PARD3B: variants seen among roughly 807,000 people sequenced by gnomAD.
PARD3B encodes par-3 family cell polarity regulator beta, also known as partitioning defective 3 homolog B.
In PARD3B, 103 loss-of-function variants were observed where a neutral mutation model predicts 130.2. That is an observed-to-expected ratio of 0.79 (90% CI 0.67 to 0.93). The LOEUF (loss-of-function observed/expected upper bound fraction) is 0.93. PARD3B is among the 40% of genes least tolerant of loss of function. PARD3B has a pLI of 0.00. For missense variants in PARD3B, 1,609 were observed against 1,499.2 expected, an observed-to-expected ratio of 1.07 and a Z score of -1.21; for synonymous variants, 583 against 553.2, an observed-to-expected ratio of 1.05 and a Z score of -0.76.
chr2:205,487,782 G>C (rs2049502511), intron 20 of PARD3B, among the ~76,000 whole-genome samples: 1 of 152,168 alleles, frequency 6.6e-6, no homozygotes, highest in Admixed American at 6.6e-5. Flanking sequence ...ATAAATGTCA[G>C]ATATGTATTC....
At chr2:205,210,830 A>G (rs1162611142) in intron 15 of PARD3B, among the ~76,000 whole-genome samples, 1 of 151,956 alleles carries the variant, frequency 6.6e-6, no homozygotes, top group Non-Finnish European at 1.5e-5. Flanking sequence ...TATGTTTTCT[A>G]TTGTGAATGA....
intron 3 of PARD3B, among the ~76,000 whole-genome samples, chr2:204,996,809 A>G (rs1694235771): frequency 6.8e-6 from 1 of 147,330 alleles, no homozygotes; most frequent in South Asian, 2.3e-4. Flanking sequence ...GCCGGTCTGA[A>G]AAGCGCAATA....
chr2:205,539,892 A>T (rs973926768), intron 21 of PARD3B, among the ~76,000 whole-genome samples: 2 of 152,188 alleles, frequency 1.3e-5, no homozygotes, highest in African/African-American at 4.8e-5. Context: ...TTAGCCAAAG[A>T]AGTATGAGGC....
chr2:205,367,803 A>G (rs2044664566), intron 18 of PARD3B, among the ~76,000 whole-genome samples: 1 of 152,064 alleles, frequency 6.6e-6, no homozygotes, highest in Non-Finnish European at 1.5e-5. Context: ...TTTTTGTGGG[A>G]TGCCTTTTCT....
rs1176486107 is a variant in PARD3B, at chr2:204,835,310, T to G, written c.223-129842T>G. 2.0e-5 allele frequency among the ~76,000 whole-genome samples: 3 copies of G among 152,202 alleles called. 1 individual carries two copies. The highest frequency in any genetic ancestry group is 4.4e-5 in the Non-Finnish European group (3 of 68,028). On this transcript the variant is annotated intron_variant, in intron 2 of 22. Coordinates refer to ENST00000406610, the MANE Select transcript of PARD3B (RefSeq NM_001302769.2). ...CAATGCCACATACTTTGGGAATTTA[T>G]AGATGTGGGGAAGAAGACTCCTTAC... is the stretch of plus-strand genomic sequence containing the variant.
At position 204,736,024 on chromosome 2, in the gene PARD3B, G is replaced by A. The variant is rs553749133; in HGVS notation, c.222+49742G>A. Among the ~76,000 whole-genome samples, 3 of 152,122 alleles carry A rather than the reference G, an allele frequency of 2.0e-5. No homozygotes were observed. In the South Asian group the frequency reaches 6.2e-4, roughly 32 times the overall value. On this transcript the variant is annotated intron_variant, in intron 2 of 22. Transcript: ENST00000406610. ...TAGCTCTGAAGAGTAGTTTACCCCC[G>A]GAAACTCTTTGAGACTTTTGATTCT...
At chr2:205,561,010 T>C (rs558947886) in intron 22 of PARD3B, among the ~76,000 whole-genome samples, 2 of 152,362 alleles carry the variant, frequency 1.3e-5, no homozygotes, top group African/African-American at 4.8e-5. Flanking sequence ...TCTTCTCGTC[T>C]ACTTATGCCC....
At chr2:204,591,396 A>C (rs1477574903) in intron 1 of PARD3B, among the ~76,000 whole-genome samples, 1 of 152,222 alleles carries the variant, frequency 6.6e-6, no homozygotes, top group Non-Finnish European at 1.5e-5. Flanking sequence ...TTGAGAACAG[A>C]TAATACGAAA....
At position 205,122,006 on chromosome 2, in the gene PARD3B, A is replaced by G. The variant is rs1441219124; in HGVS notation, c.1165+57A>G. Reference sequence around the variant, plus strand: ...ATTATTGTAACATGTAAAATTGGTTAAGAGAAATGCATTAAGGCTAATTTA... The same window carrying G: ...ATTATTGTAACATGTAAAATTGGTTGAGAGAAATGCATTAAGGCTAATTTA... On this transcript the variant is annotated intron_variant, in intron 8 of 22. Transcript: ENST00000406610. This position sits in a 1 kb window ranked among gnomAD's most constrained non-coding sequence, Gnocchi z 4.3. The G allele has an allele frequency of 7.1e-6, 10 of 1,410,500 alleles. 1 individual carries two copies. The South Asian group carries it at 1.2e-4, about 17-fold the overall frequency. The allele number at this position is 1,410,500 out of a possible 1,614,324, so 87.4% of individuals were successfully genotyped here. A position where few individuals can be genotyped will look rare whatever the true frequency, so the allele number is the denominator to read the frequency against.
At chr2:205,148,555 G>A (rs374992422) in intron 10 of PARD3B, among the ~76,000 whole-genome samples, 10 of 152,156 alleles carry the variant, frequency 6.6e-5, no homozygotes, top group East Asian at 1.9e-4. Flanking sequence ...TGTCTTGCAG[G>A]TGTCTTATCC....
At chr2:204,809,006 G>C (rs1049844479) in intron 2 of PARD3B, among the ~76,000 whole-genome samples, 11 of 152,026 alleles carry the variant, frequency 7.2e-5, no homozygotes, top group African/African-American at 2.4e-4. Flanking sequence ...TTGTGGTTTT[G>C]ATTTGCATTT....
At chr2:204,849,268 GA>G (rs78371892) in intron 2 of PARD3B, among the ~76,000 whole-genome samples, 1,533 of 152,246 alleles carry the variant, frequency 0.01, 24 homozygotes, top group East Asian at 0.072. Flanking sequence ...AGGACATACA[GA>G]ATCTCCTGAG....
chr2:205,004,434 C>A (rs563277443), intron 3 of PARD3B, among the ~76,000 whole-genome samples: 3 of 152,238 alleles, frequency 2.0e-5, no homozygotes, highest in African/African-American at 7.2e-5. Context: ...TATATTTTAT[C>A]ATTTCAATTC....
intron 21 of PARD3B, among the ~76,000 whole-genome samples, chr2:205,506,047 G>C (rs553391861): frequency 5.3e-5 from 8 of 152,138 alleles, no homozygotes; most frequent in African/African-American, 1.4e-4. Flanking sequence ...TTAAAAACAT[G>C]GTGCTGGCCG....
At chr2:205,517,537 G>A (rs1205108613) in intron 21 of PARD3B, among the ~76,000 whole-genome samples, 1 of 151,954 alleles carries the variant, frequency 6.6e-6, no homozygotes, top group Non-Finnish European at 1.5e-5. Context: ...ACAACTTCTG[G>A]AATCATTGAT....
intron 14 of PARD3B, among the ~76,000 whole-genome samples, chr2:205,192,320 A>G (rs924924036): frequency 1.7e-4 from 26 of 152,306 alleles, no homozygotes; most frequent in Non-Finnish European, 3.4e-4. Context: ...TTTTGTAAGG[A>G]TACATGATTT....
chr2:205,103,075 A>T (rs1270151726), intron 4 of PARD3B, among the ~76,000 whole-genome samples: 1 of 127,798 alleles, frequency 7.8e-6, no homozygotes, highest in Non-Finnish European at 1.8e-5. Context: ...TAAAAATAAA[A>T]ATATATATTT....
chr2:205,585,382 G>A lies in PARD3B; in HGVS notation c.3261-30074G>A, dbSNP rs182972528. 2.7e-4 allele frequency among the ~76,000 whole-genome samples: 41 copies of A among 152,288 alleles called. No individual in the cohort carries two copies. Among genetic ancestry groups the A allele is most frequent in the South Asian group, 4.1e-4 (2 of 4,826 alleles). On this transcript the variant is annotated intron_variant, in intron 22 of 22. Transcript: ENST00000406610. The surrounding 1 kb of genome is among the most constrained non-coding windows in gnomAD (Gnocchi z 5.4). ...TTATAATGGCTAAAAATGATGGAGT[G>A]TGAGAGAATCCCCAGGGACCCTTTG...
In PARD3B at chr2:205,550,965, A is replaced by ATATATATATATATG; in HGVS notation, c.3181-2347_3181-2346insTGTATATATATATA. Among the ~76,000 whole-genome samples, 1 of 103,502 alleles carries ATATATATATATATG rather than the reference A, an allele frequency of 9.7e-6. No homozygotes were observed. Among genetic ancestry groups the ATATATATATATATG allele is most frequent in the African/African-American group, 3.3e-5 (1 of 30,422 alleles). 67.9% of individuals were successfully genotyped at this position (103,502 alleles called of 152,430 possible). Reference sequence around the variant, plus strand: ...TGTATATATATATGTGTATATATATATATATATATATACACACACACACAC... The same window carrying ATATATATATATATG: ...TGTATATATATATGTGTATATATATATATATATATATATGTATATATATATACACACACACACAC... On this transcript the variant is annotated intron_variant, in intron 21 of 22. Coordinates refer to ENST00000406610, the MANE Select transcript of PARD3B (RefSeq NM_001302769.2). This position sits in a 1 kb window ranked among gnomAD's most constrained non-coding sequence, Gnocchi z 4.5.
Sources: allele counts gnomAD v4.1 joint callset (sites outside exome capture counted in the v4.1 genomes callset), GRCh38; gene constraint gnomAD v4.1.1; non-coding constraint Gnocchi (gnomAD v3.1); transcripts MANE v1.5; gene names NCBI Gene and HGNC (gene_info 2026-07-23, HGNC 2026-07-21).